Variants in COL21A1 observed in about 807,000 individuals in gnomAD.
The protein encoded by COL21A1 is collagen type XXI alpha 1 chain, also known as collagen alpha-1(XXI) chain.
COL21A1 carries 149 observed loss-of-function variants against 137.9 expected under a neutral mutation model. That is an observed-to-expected ratio of 1.08 (90% CI 0.95 to 1.24). The LOEUF is 1.24. COL21A1 is among the 50% of genes most tolerant of loss of function. COL21A1 has a pLI of 0.00. For missense variants in COL21A1, 1,167 were observed against 1,158.4 expected (o/e 1.01, Z -0.11); for synonymous variants, 456 against 391.5 (o/e 1.16, Z -1.95).
rs554829254 is a variant in COL21A1 at position 56,195,176 on chromosome 6, T to A, written c.-38-12520A>T. On this transcript the variant is annotated intron_variant, in intron 1 of 29. Transcript: ENST00000244728. Reference sequence around the variant, plus strand: ...TCAGCCTCCATAAGAAATAATTTTTTTCTTTATAAATTATGCAGTTTTGAG... The same window carrying A: ...TCAGCCTCCATAAGAAATAATTTTTATCTTTATAAATTATGCAGTTTTGAG... 1.2e-4 allele frequency among the ~76,000 whole-genome samples: 19 copies of A among 152,282 alleles called. No homozygotes were observed. The South Asian group carries it at 3.5e-3, about 28-fold the overall frequency.
chr6:56,332,049 G>A (rs1765238662), intron 1 of COL21A1: 1 of 152,246 alleles, frequency 6.6e-6, no homozygotes, highest in African/African-American at 2.4e-5. Context: ...ACACAGAAGT[G>A]ATGTTACCAG....
chr6:56,067,972 G>C (rs145145744), intron 22 of COL21A1, among the ~76,000 whole-genome samples: 1 of 151,476 alleles, frequency 6.6e-6, no homozygotes, highest in African/African-American at 2.4e-5. Context: ...ATACTTCACC[G>C]TACTATCTAA....
intron 9 of COL21A1, among the ~76,000 whole-genome samples, chr6:56,158,927 T>C (rs1775992200): frequency 6.6e-6 from 1 of 152,194 alleles, no homozygotes; most frequent in Non-Finnish European, 1.5e-5. Context: ...AAATGTAATT[T>C]GTAATTCTAA....
chr6:56,312,893 C>G (rs146475542), intron 1 of COL21A1, among the ~76,000 whole-genome samples: 2 of 152,144 alleles, frequency 1.3e-5, no homozygotes, highest in East Asian at 3.9e-4. Flanking sequence ...GCAAGAGAGC[C>G]AGTAGAAATT....
At chr6:56,160,250 T>C (rs1416417172) in intron 9 of COL21A1, among the ~76,000 whole-genome samples, 1 of 152,238 alleles carries the variant, frequency 6.6e-6, no homozygotes, top group Non-Finnish European at 1.5e-5. Context: ...TAAGCACTGG[T>C]CCAACAGATT....
At chr6:56,086,846 A>C (rs912316196) in intron 17 of COL21A1, among the ~76,000 whole-genome samples, 3 of 152,200 alleles carry the variant, frequency 2.0e-5, no homozygotes, top group Admixed American at 6.5e-5. Flanking sequence ...AAAAGAAGTC[A>C]AAAGCAGTCT....
chr6:56,072,246 G>T (rs902692891), intron 20 of COL21A1, among the ~76,000 whole-genome samples: 1 of 151,416 alleles, frequency 6.6e-6, no homozygotes, highest in African/African-American at 2.4e-5. Flanking sequence ...TTTCTATTGT[G>T]AATAGTGCTG....
At position 56,376,842 on chromosome 6, in the gene COL21A1, C is replaced by G. The variant is rs111531012; in HGVS notation, c.-39+17129G>C. Among the ~76,000 whole-genome samples, 540 of 107,288 alleles carry G rather than the reference C, an allele frequency of 5.0e-3. 2 individuals carry two copies. The Middle Eastern group carries it at 0.061, about 12-fold the overall frequency. 70.4% of individuals were successfully genotyped at this position (107,288 alleles called of 152,430 possible). ...CAATCGACGCCCACCCCCCACCCCC[C>G]CCAAACAAGGACACCAATTTAACAA... On this transcript the variant is annotated intron_variant, in intron 1 of 28. Transcript: ENST00000370819.
At chr6:56,348,258 CAT>C (rs1248496946) in intron 1 of COL21A1, among the ~76,000 whole-genome samples, 5 of 152,086 alleles carry the variant, frequency 3.3e-5, no homozygotes, top group African/African-American at 1.2e-4. Context: ...GAAGTAGAGA[CAT>C]AAGGGCACAT....
chr6:56,136,081 G>A (rs1561904871), intron 12 of COL21A1, among the ~76,000 whole-genome samples: 1 of 152,038 alleles, frequency 6.6e-6, no homozygotes, highest in African/African-American at 2.4e-5. Context: ...ATTTGCTCTA[G>A]TTAATTAAAC....
intron 1 of COL21A1, among the ~76,000 whole-genome samples, chr6:56,353,359 G>C (rs9382623): frequency 6.6e-6 from 1 of 151,908 alleles, no homozygotes; most frequent in Non-Finnish European, 1.5e-5. Context: ...AGACCACAGA[G>C]AGACAGAGAT....
chr6:56,120,783 A>T (rs1772420876), intron 16 of COL21A1, among the ~76,000 whole-genome samples: 1 of 146,334 alleles, frequency 6.8e-6, no homozygotes, highest in Non-Finnish European at 1.5e-5. Context: ...AACAAGAGCA[A>T]AACTCTGTCT....
intron 1 of COL21A1, among the ~76,000 whole-genome samples, chr6:56,387,322 A>G (rs1746871614): frequency 6.6e-6 from 1 of 152,206 alleles, no homozygotes; most frequent in Non-Finnish European, 1.5e-5. Flanking sequence ...GATTCCAATG[A>G]GAATTATTTT....
chr6:56,150,548 ACACACACACACACACAC>A (rs1254519059), intron 10 of COL21A1, among the ~76,000 whole-genome samples: 141 of 151,630 alleles, frequency 9.3e-4, no homozygotes, highest in Non-Finnish European at 1.3e-3. Context: ...ACACACACAC[ACACACACACACACACAC>A]AAGAGTGGGG....
At chr6:56,316,476 A>ATTTTTTTTT (rs776151498) in intron 1 of COL21A1, among the ~76,000 whole-genome samples, 7 of 30,344 alleles carry the variant, frequency 2.3e-4, no homozygotes, top group South Asian at 2.7e-3. Flanking sequence ...TTCTAAATAG[A>ATTTTTTTTT]CTTTTTTTTT....
At chr6:56,301,798 G>A (rs892393055) in intron 1 of COL21A1, among the ~76,000 whole-genome samples, 4 of 151,884 alleles carry the variant, frequency 2.6e-5, no homozygotes, top group Non-Finnish European at 4.4e-5. Flanking sequence ...CCATGCTGGT[G>A]TGCTGCACCC....
intron 1 of COL21A1, among the ~76,000 whole-genome samples, chr6:56,326,249 C>G (rs1445026649): frequency 6.7e-6 from 1 of 149,982 alleles, no homozygotes; most frequent in Non-Finnish European, 1.5e-5. Context: ...TTTTAAAAAC[C>G]TTTTGAACAT....
intron 14 of COL21A1, 101 bp from the exon 15 acceptor site, chr6:56,124,393 T>C: frequency 9.1e-7 from 1 of 1,103,220 alleles, no homozygotes; most frequent in Admixed American, 2.2e-5. Context: ...CATCATTATG[T>C]AGTAAAAACT....
intron 17 of COL21A1, among the ~76,000 whole-genome samples, chr6:56,095,263 T>C (rs1769214148): frequency 6.6e-6 from 1 of 152,186 alleles, no homozygotes; most frequent in Non-Finnish European, 1.5e-5. Context: ...TGTGTTCTAT[T>C]CCCTGTTTAC....
Sources: allele counts gnomAD v4.1 joint callset (sites outside exome capture counted in the v4.1 genomes callset), GRCh38; gene constraint gnomAD v4.1.1; transcripts MANE v1.5; gene names NCBI Gene and HGNC (gene_info 2026-07-23, HGNC 2026-07-21).